TLN2: variants seen among roughly 807,000 people sequenced by gnomAD.
The protein encoded by TLN2 is talin 2.
TLN2 carries 118 observed loss-of-function variants against 294.7 expected under a neutral mutation model. The observed-to-expected ratio is 0.40, with a 90% CI of 0.34 to 0.47. The LOEUF is 0.47. Ranked by LOEUF, TLN2 falls within the 20% of genes least tolerant of loss-of-function variation. TLN2 has a pLI of 0.84. For synonymous variants in TLN2, 1,431 were observed against 1,304.5 expected, an observed-to-expected ratio of 1.10 and a Z score of -2.09; for missense variants, 3,083 against 3,282.2, an observed-to-expected ratio of 0.94 and a Z score of 1.48.
chr15:62,712,752 G>A (rs541927253), intron 22 of TLN2, among the ~76,000 whole-genome samples: 5 of 152,126 alleles, frequency 3.3e-5, no homozygotes, highest in Non-Finnish European at 5.9e-5. Context: ...GCATGCGTGC[G>A]TGCATGTGTT....
At chr15:62,509,946 G>C (rs2039844230) in intron 1 of TLN2, among the ~76,000 whole-genome samples, 1 of 152,194 alleles carries the variant, frequency 6.6e-6, no homozygotes, top group Non-Finnish European at 1.5e-5. Context: ...TTTGGATAAG[G>C]ATATTAGTTT....
chr15:62,653,101 G>C, intron 6 of TLN2, 61 bp from the exon 7 acceptor site: 1 of 1,396,494 alleles, frequency 7.2e-7, no homozygotes, highest in Non-Finnish European at 9.6e-7. Flanking sequence ...CAGGCCTTAG[G>C]CTGGAAGAGG....
chr15:62,677,833 T>C (rs1272951502), intron 11 of TLN2, among the ~76,000 whole-genome samples: 1 of 144,976 alleles, frequency 6.9e-6, no homozygotes, highest in Non-Finnish European at 1.5e-5. Context: ...AGACGGAGAT[T>C]CACCCAGGCT....
At chr15:62,541,318 A>G (rs530257591) in intron 1 of TLN2, among the ~76,000 whole-genome samples, 1 of 152,166 alleles carries the variant, frequency 6.6e-6, no homozygotes, top group Non-Finnish European at 1.5e-5. Context: ...GACTATTGCT[A>G]TTATTGGCCA....
At chr15:62,800,865 T>C (rs1251852760) in intron 50 of TLN2, 96 bp downstream of exon 50, 3 of 978,852 alleles carry the variant, frequency 3.1e-6, no homozygotes, top group Middle Eastern at 3.0e-4. Flanking sequence ...AGGTTTTACC[T>C]AAAACACCTG....
chr15:62,433,330 G>A (rs781670866), intron 1 of TLN2, among the ~76,000 whole-genome samples: 12 of 152,048 alleles, frequency 7.9e-5, no homozygotes, highest in Non-Finnish European at 1.5e-4. Flanking sequence ...CTAAGGCTGT[G>A]GTATCCCTCT....
At chr15:62,469,708 C>A (rs1008061084) in intron 1 of TLN2, among the ~76,000 whole-genome samples, 6 of 152,232 alleles carry the variant, frequency 3.9e-5, no homozygotes, top group African/African-American at 1.4e-4. Flanking sequence ...AGCACTAACA[C>A]ACAGGCAATT....
chr15:62,402,939 A>G (rs149813950), intron 1 of TLN2, among the ~76,000 whole-genome samples: 22 of 152,270 alleles, frequency 1.4e-4, no homozygotes, highest in Admixed American at 2.6e-4. Context: ...AGTACCTGTC[A>G]TCTAAAGGAA....
At chr15:62,404,493 G>A (rs1370146905) in intron 1 of TLN2, among the ~76,000 whole-genome samples, 1 of 152,192 alleles carries the variant, frequency 6.6e-6, no homozygotes, top group East Asian at 1.9e-4. Flanking sequence ...GGGGAGTTCA[G>A]TGGGCCCTCT....
intron 32 of TLN2, among the ~76,000 whole-genome samples, chr15:62,741,190 C>A (rs974993400): frequency 6.6e-6 from 1 of 152,178 alleles, no homozygotes; most frequent in Non-Finnish European, 1.5e-5. Context: ...TTTTATTGAG[C>A]ACTTAACCCT....
intron 3 of TLN2, among the ~76,000 whole-genome samples, chr15:62,630,282 T>G (rs2049668287): frequency 6.6e-6 from 1 of 152,224 alleles, no homozygotes; most frequent in African/African-American, 2.4e-5. Context: ...GGTTTTAGAC[T>G]AGATGACTTC....
At chr15:62,405,790 G>A (rs1257241571) in intron 1 of TLN2, among the ~76,000 whole-genome samples, 1 of 152,164 alleles carries the variant, frequency 6.6e-6, no homozygotes. Flanking sequence ...GGCTGCGCAG[G>A]GATGGATTTT....
In TLN2 at chr15:62,752,218, G is replaced by T; in HGVS notation, c.4210-87G>T. 6 of 1,504,154 alleles carry T rather than the reference G, an allele frequency of 4.0e-6. No individual in the cohort carries two copies. In the South Asian group the frequency reaches 6.5e-5, roughly 16 times the overall value. The allele number at this position is 1,504,154 out of a possible 1,614,324, so 93.2% of individuals were successfully genotyped here. Reference sequence around the variant, plus strand: ...CAAATGTTCCAAATTAAGTTGCCTTGAATATTAAAGTTGGAGTGTAGCCTC... The same window carrying T: ...CAAATGTTCCAAATTAAGTTGCCTTTAATATTAAAGTTGGAGTGTAGCCTC... On this transcript the variant is annotated intron_variant, in intron 34 of 58. Transcript: ENST00000636159.
intron 1 of TLN2, among the ~76,000 whole-genome samples, chr15:62,407,595 G>A (rs1013741603): frequency 5.3e-5 from 8 of 152,052 alleles, no homozygotes; most frequent in African/African-American, 9.7e-5. Flanking sequence ...GCTGGCTTGC[G>A]TCGGAATCCC....
intron 1 of TLN2, among the ~76,000 whole-genome samples, chr15:62,405,516 T>C (rs549870162): frequency 6.6e-6 from 1 of 152,222 alleles, no homozygotes; most frequent in South Asian, 2.1e-4. Flanking sequence ...CAGAAAGGGC[T>C]TTTTATTTTC....
intron 2 of TLN2, among the ~76,000 whole-genome samples, chr15:62,609,006 T>G (rs986833389): frequency 2.0e-5 from 3 of 151,944 alleles, no homozygotes; most frequent in Non-Finnish European, 2.9e-5. Flanking sequence ...CAAGGGAGCA[T>G]AGAGGCCGGG....
chr15:62,695,724 T>C (rs1023593455), intron 14 of TLN2, among the ~76,000 whole-genome samples: 1 of 152,224 alleles, frequency 6.6e-6, no homozygotes, highest in Non-Finnish European at 1.5e-5. Flanking sequence ...CCAAACTTGA[T>C]ATGATAAGTT....
intron 31 of TLN2, among the ~76,000 whole-genome samples, chr15:62,739,939 G>A (rs906388485): frequency 6.6e-6 from 1 of 152,062 alleles, no homozygotes; most frequent in Non-Finnish European, 1.5e-5. Context: ...GTCTAATACA[G>A]AGTGTCAAGT....
In TLN2 at chr15:62,650,154, A is replaced by C; in HGVS notation, c.207A>C (p.Thr69=). 6.2e-7 allele frequency: 1 copy of C among 1,614,170 alleles called. No homozygotes were observed. Among genetic ancestry groups the C allele is most frequent in the African/African-American group, 1.3e-5 (1 of 75,034 alleles). ...GGATTTGGCTGGAAGCGGGCAGAACACTGGATTACTACATGTTGCGGAATG... is the reference window on the plus strand; with the variant it reads ...GGATTTGGCTGGAAGCGGGCAGAACCCTGGATTACTACATGTTGCGGAATG... ...RKGIWLEAGR[T]LDYYMLRNGD... is the part of the protein sequence containing the mutation. The change falls in exon 5 of 59, where the codon ACA becomes ACC. Residue 69 remains threonine, a synonymous_variant. Coordinates refer to ENST00000636159, the MANE Select transcript of TLN2 (RefSeq NM_015059.3).
Sources: allele counts gnomAD v4.1 joint callset (sites outside exome capture counted in the v4.1 genomes callset), GRCh38; gene constraint gnomAD v4.1.1; transcripts MANE v1.5; gene names NCBI Gene and HGNC (gene_info 2026-07-23, HGNC 2026-07-21).